Variants in SLC16A10 observed in about 807,000 individuals in gnomAD.
The protein encoded by SLC16A10 is solute carrier family 16 member 10.
SLC16A10 carries 27 observed loss-of-function variants against 40.0 expected under a neutral mutation model. That is an observed-to-expected ratio of 0.67 (90% CI 0.50 to 0.93). SLC16A10 has a LOEUF of 0.93. Among genes scored for constraint, SLC16A10 ranks in the 40% least tolerant of loss-of-function variants. SLC16A10 has a pLI of 0.00. For synonymous variants in SLC16A10, 213 were observed against 249.8 expected (o/e 0.85, Z 1.39); for missense variants, 529 against 658.2 (o/e 0.80, Z 2.15).
chr6:111,158,081 G>A (rs1254034730), intron 1 of SLC16A10, among the ~76,000 whole-genome samples: 1 of 152,054 alleles, frequency 6.6e-6, no homozygotes, highest in African/African-American at 2.4e-5. Flanking sequence ...TGTTTTAAAA[G>A]AGCTATTAAT....
intron 3 of SLC16A10, among the ~76,000 whole-genome samples, chr6:111,205,375 G>A (rs183240478): frequency 3.3e-5 from 5 of 152,092 alleles, no homozygotes; most frequent in South Asian, 2.1e-4. Context: ...TGTGGGGGAC[G>A]GTGATTGTCA....
chr6:111,193,952 G>C (rs1384064609), intron 3 of SLC16A10, among the ~76,000 whole-genome samples: 1 of 152,196 alleles, frequency 6.6e-6, no homozygotes, highest in African/African-American at 2.4e-5. Context: ...GGGGAGTTTT[G>C]TGTGGGAAGT....
intron 1 of SLC16A10, among the ~76,000 whole-genome samples, chr6:111,124,747 G>A (rs115426027): frequency 1.3e-3 from 191 of 152,304 alleles, no homozygotes; most frequent in Middle Eastern, 0.01. Context: ...ATAATTTTCA[G>A]TGTAATCTTT....
At position 111,087,616 on chromosome 6, in the gene SLC16A10, C is replaced by G; in HGVS notation, c.-137C>G. On this transcript the variant is annotated 5_prime_UTR_variant, in exon 1 of 6. Coordinates refer to ENST00000368851, the MANE Select transcript of SLC16A10 (RefSeq NM_018593.5). ...CGCTGGCCGCCTGCGCGCTGCCAGCCCGCCCGCCCGCCAGGGGCTCCGCCG... is the reference window on the plus strand; with the variant it reads ...CGCTGGCCGCCTGCGCGCTGCCAGCGCGCCCGCCCGCCAGGGGCTCCGCCG... 2.5e-6 allele frequency: 1 copy of G among 405,168 alleles called. No homozygotes were observed. Among genetic ancestry groups the G allele is most frequent in the Non-Finnish European group, 3.8e-6 (1 of 260,658 alleles). The allele number at this position is 405,168 out of a possible 1,614,324, so 25.1% of individuals were successfully genotyped here.
At chr6:111,092,388 C>T (rs1187818575) in intron 1 of SLC16A10, among the ~76,000 whole-genome samples, 3 of 141,128 alleles carry the variant, frequency 2.1e-5, no homozygotes, top group East Asian at 2.1e-4. Context: ...GGCACCATCT[C>T]GGCTCACTGC....
chr6:111,174,729 CT>C (rs1212671111), intron 2 of SLC16A10, among the ~76,000 whole-genome samples: 1 of 152,130 alleles, frequency 6.6e-6, no homozygotes, highest in Admixed American at 6.5e-5. Context: ...GGCTCTACCA[CT>C]TGCCGAATGT....
At chr6:111,132,470 C>G (rs1279717353) in intron 1 of SLC16A10, among the ~76,000 whole-genome samples, 7 of 152,178 alleles carry the variant, frequency 4.6e-5, no homozygotes, top group Non-Finnish European at 7.3e-5. Flanking sequence ...AAATCCGTAA[C>G]CCAGTAACAC....
In SLC16A10 at chr6:111,229,939, G is replaced by T. The variant is rs1005043671; in HGVS notation, c.*7704G>T. On this transcript the variant is annotated 3_prime_UTR_variant, in exon 6 of 6. Coordinates refer to ENST00000368851, the MANE Select transcript of SLC16A10 (RefSeq NM_018593.5). The stretch of plus-strand genomic sequence containing the variant: ...TACGGGTCTCTTTAATGTTCTGTAG[G>T]TAGGATTCAGATGAATTGAGAATGA... 4 of 149,772 alleles carry T rather than the reference G, an allele frequency of 2.7e-5. No individual in the cohort carries two copies. Among genetic ancestry groups the T allele is most frequent in the Non-Finnish European group, 4.4e-5 (3 of 67,768 alleles). 9.3% of individuals were successfully genotyped at this position (149,772 alleles called of 1,614,324 possible).
chr6:111,182,310 C>CTTTTTTTTTTTT (rs372963281), intron 3 of SLC16A10, among the ~76,000 whole-genome samples: 3 of 103,624 alleles, frequency 2.9e-5, no homozygotes, highest in Non-Finnish European at 5.5e-5. Context: ...CTCTGGGTTT[C>CTTTTTTTTTTTT]TTTTTTTTTT....
chr6:111,199,937 T>C lies in SLC16A10; in HGVS notation c.943-6655T>C, dbSNP rs929132683. Among the ~76,000 whole-genome samples the C allele has an allele frequency of 3.9e-5, 6 of 152,308 alleles. No individual in the cohort carries two copies. The East Asian group carries it at 1.2e-3, about 29-fold the overall frequency. Reference sequence around the variant, plus strand: ...TAGCCATCTCTTCCTTCTGAACTCTTCTTTTTTCTGCCCTTTGGTAGCTAT... The same window carrying C: ...TAGCCATCTCTTCCTTCTGAACTCTCCTTTTTTCTGCCCTTTGGTAGCTAT... On this transcript the variant is annotated intron_variant, in intron 3 of 5. Coordinates refer to ENST00000368851, the MANE Select transcript of SLC16A10 (RefSeq NM_018593.5).
rs1770943099 is a variant in SLC16A10, at chr6:111,223,717, A to T, written c.*1482A>T. The T allele has an allele frequency of 6.6e-6, 1 of 152,222 alleles. No individual in the cohort carries two copies. 9.4% of individuals were successfully genotyped at this position (152,222 alleles called of 1,614,324 possible). ...TTTTAGAAAATGATTTCATTCAGTCATGTCCAGTTATATAAAACGTTACTT... is the reference window on the plus strand; with the variant it reads ...TTTTAGAAAATGATTTCATTCAGTCTTGTCCAGTTATATAAAACGTTACTT... On this transcript the variant is annotated 3_prime_UTR_variant, in exon 6 of 6. Coordinates refer to ENST00000368851, the MANE Select transcript of SLC16A10 (RefSeq NM_018593.5).
chr6:111,200,178 A>G (rs949254573), intron 3 of SLC16A10, among the ~76,000 whole-genome samples: 2 of 152,224 alleles, frequency 1.3e-5, no homozygotes, highest in East Asian at 1.9e-4. Context: ...GGGGGCAGGT[A>G]CCTGTACCAC....
chr6:111,133,008 G>A (rs958508415), intron 1 of SLC16A10, among the ~76,000 whole-genome samples: 3 of 152,176 alleles, frequency 2.0e-5, no homozygotes, highest in Admixed American at 2.0e-4. Flanking sequence ...TCTCTGAAAT[G>A]AATTTGCATA....
At chr6:111,191,117 C>T (rs1403939264) in intron 3 of SLC16A10, among the ~76,000 whole-genome samples, 2 of 152,076 alleles carry the variant, frequency 1.3e-5, no homozygotes, top group Non-Finnish European at 2.9e-5. Flanking sequence ...TTGCTGTATC[C>T]ATCAACCTGT....
intron 1 of SLC16A10, among the ~76,000 whole-genome samples, chr6:111,106,110 T>C (rs953306028): frequency 1.7e-4 from 26 of 152,204 alleles, no homozygotes; most frequent in African/African-American, 6.0e-4. Flanking sequence ...AGTAAATATG[T>C]TTTCTGACAA....
intron 1 of SLC16A10, among the ~76,000 whole-genome samples, chr6:111,142,040 T>C (rs776160419): frequency 4.8e-5 from 7 of 147,148 alleles, no homozygotes; most frequent in Non-Finnish European, 1.1e-4. Flanking sequence ...TTCTTCAATA[T>C]CATTTTCTTC....
rs531094919 is a variant in SLC16A10, at chr6:111,104,512, C to A, written c.343+16417C>A. ...ACCTACAATACATTTTGTATTGTGC[C>A]CCACAAAATCATGTCGACAGCCCTA... On this transcript the variant is annotated intron_variant, in intron 1 of 5. Coordinates refer to ENST00000368851, the MANE Select transcript of SLC16A10 (RefSeq NM_018593.5). Among the ~76,000 whole-genome samples, 20 of 152,124 alleles carry A rather than the reference C, an allele frequency of 1.3e-4. No individual in the cohort carries two copies. In the South Asian group the frequency reaches 4.2e-3, roughly 32 times the overall value.
At chr6:111,193,401 A>G in intron 3 of SLC16A10, 1 of 801,252 alleles carries the variant, frequency 1.2e-6, no homozygotes, top group Non-Finnish European at 1.5e-6. Context: ...TGAGATGAAT[A>G]AGGATCTTTA....
intron 1 of SLC16A10, among the ~76,000 whole-genome samples, chr6:111,148,602 CA>C (rs1772119359): frequency 6.6e-6 from 1 of 152,172 alleles, no homozygotes; most frequent in South Asian, 2.1e-4. Flanking sequence ...TTGTGCATGA[CA>C]ACTTTAGGAA....
Sources: allele counts gnomAD v4.1 joint callset (sites outside exome capture counted in the v4.1 genomes callset), GRCh38; gene constraint gnomAD v4.1.1; transcripts MANE v1.5; gene names NCBI Gene and HGNC (gene_info 2026-07-23, HGNC 2026-07-21).